KIAA0232: variants seen among roughly 807,000 people sequenced by gnomAD.
The protein encoded by KIAA0232 is uncharacterized protein KIAA0232.
KIAA0232 carries 27 observed loss-of-function variants against 122.0 expected under a neutral mutation model. That is an observed-to-expected ratio of 0.22 (90% CI 0.16 to 0.31). The LOEUF is 0.31. Among genes scored for constraint, KIAA0232 ranks in the 10% least tolerant of loss-of-function variants. The pLI is 1.00. For missense variants in KIAA0232, 1,551 were observed against 1,634.2 expected (o/e 0.95, Z 0.88); for synonymous variants, 613 against 587.6 (o/e 1.04, Z -0.63).
rs1231174432 is a variant in KIAA0232, at chr4:6,876,772, C to G, written c.4008+15C>G. 4.6e-6 allele frequency: 7 copies of G among 1,535,862 alleles called. No homozygotes were observed. Among genetic ancestry groups the G allele is most frequent in the African/African-American group, 2.7e-5 (2 of 73,204 alleles). ...ATTTTAATAGGGTAAGTGGACTGTC[C>G]TCCTCCTCGTCATTAACTTACAAAC... On this transcript the variant is annotated intron_variant, in intron 9 of 9. Coordinates refer to ENST00000307659, the MANE Select transcript of KIAA0232 (RefSeq NM_014743.3).
At chr4:6,853,690 C>A (rs1367430810) in intron 4 of KIAA0232, among the ~76,000 whole-genome samples, 1 of 152,146 alleles carries the variant, frequency 6.6e-6, no homozygotes, top group East Asian at 1.9e-4. Context: ...GCACAGAAAC[C>A]TTTGAGTATG....
intron 1 of KIAA0232, among the ~76,000 whole-genome samples, chr4:6,786,086 T>C (rs1319671270): frequency 1.3e-5 from 2 of 152,204 alleles, no homozygotes; most frequent in Non-Finnish European, 2.9e-5. Flanking sequence ...TGTTGTATTA[T>C]AAATTGGTCA....
At chr4:6,864,334 G>C in intron 7 of KIAA0232, 151 bp downstream of exon 7, 1 of 851,216 alleles carries the variant, frequency 1.2e-6, no homozygotes, top group Admixed American at 3.1e-5. Context: ...TACATGTAAG[G>C]ACTTAAAATG....
At chr4:6,866,146 A>G (rs2108812846) in intron 7 of KIAA0232, 1 of 783,210 alleles carries the variant, frequency 1.3e-6, no homozygotes, top group East Asian at 1.3e-4. Context: ...CCCATTTTTC[A>G]TCCTTAAATA....
chr4:6,868,537 A>T (rs973954015), intron 7 of KIAA0232, among the ~76,000 whole-genome samples: 1 of 152,144 alleles, frequency 6.6e-6, no homozygotes, highest in Non-Finnish European at 1.5e-5. Context: ...CCAAGGTGCA[A>T]TTTAAGGAAA....
intron 9 of KIAA0232, among the ~76,000 whole-genome samples, chr4:6,877,114 T>G (rs1446102646): frequency 1.3e-5 from 2 of 151,962 alleles, no homozygotes; most frequent in Non-Finnish European, 2.9e-5. Flanking sequence ...ACCTAATAAG[T>G]GGGAGACCTA....
At chr4:6,792,402 CAA>C (rs1350738590) in intron 1 of KIAA0232, among the ~76,000 whole-genome samples, 1 of 152,034 alleles carries the variant, frequency 6.6e-6, no homozygotes, top group African/African-American at 2.4e-5. Context: ...AATTGACCAA[CAA>C]GTTTCTAACT....
At chr4:6,866,573 C>T (rs930625513) in intron 7 of KIAA0232, among the ~76,000 whole-genome samples, 6 of 152,110 alleles carry the variant, frequency 3.9e-5, no homozygotes, top group African/African-American at 7.2e-5. Flanking sequence ...GATGTGCTTC[C>T]GGCCCTTTTC....
chr4:6,814,908 A>G (rs767397232), intron 2 of KIAA0232, among the ~76,000 whole-genome samples: 3 of 152,208 alleles, frequency 2.0e-5, no homozygotes, highest in Non-Finnish European at 2.9e-5. Flanking sequence ...TAAAAAAGAC[A>G]AATTTTAAAA....
At chr4:6,850,904 G>A (rs947192376) in intron 4 of KIAA0232, among the ~76,000 whole-genome samples, 20 of 152,118 alleles carry the variant, frequency 1.3e-4, no homozygotes, top group Admixed American at 1.1e-3. Flanking sequence ...TCTTGACCTC[G>A]TGATCCGCCC....
intron 3 of KIAA0232, among the ~76,000 whole-genome samples, chr4:6,837,937 G>A (rs1719420147): frequency 6.6e-6 from 1 of 152,028 alleles, no homozygotes; most frequent in Non-Finnish European, 1.5e-5. Flanking sequence ...GGGAGAGGGA[G>A]AGGGAGAGGC....
At chr4:6,787,505 T>C (rs1560157095) in intron 1 of KIAA0232, among the ~76,000 whole-genome samples, 1 of 152,202 alleles carries the variant, frequency 6.6e-6, no homozygotes, top group Non-Finnish European at 1.5e-5. Context: ...AGATACAAGG[T>C]AATCAGATGT....
rs1722151297 is a variant in KIAA0232 at position 6,882,844 on chromosome 4, T to C, written c.*1878T>C. 6.6e-6 allele frequency: 1 copy of C among 152,668 alleles called. No homozygotes were observed. Among genetic ancestry groups the C allele is most frequent in the African/African-American group, 2.4e-5 (1 of 41,464 alleles). The allele number at this position is 152,668 out of a possible 1,614,324, so 9.5% of individuals were successfully genotyped here. A position where few individuals can be genotyped will look rare whatever the true frequency, so the allele number is the denominator to read the frequency against. ...TTCCTCATATCACTACAGTGACGAT[T>C]ATTCTAGAAATCGTTGCTTGTGTAG... is the stretch of plus-strand genomic sequence containing the variant. On this transcript the variant is annotated 3_prime_UTR_variant, in exon 10 of 10. Transcript: ENST00000307659.
chr4:6,842,488 C>A (rs1023646218), intron 4 of KIAA0232, among the ~76,000 whole-genome samples: 3 of 151,592 alleles, frequency 2.0e-5, no homozygotes, highest in South Asian at 2.1e-4. Context: ...TGTCTTTATT[C>A]TTTTTAGTGG....
chr4:6,783,284 G>A (rs1275946846), intron 1 of KIAA0232, among the ~76,000 whole-genome samples: 1 of 152,352 alleles, frequency 6.6e-6, no homozygotes, highest in East Asian at 1.9e-4. Flanking sequence ...ACCCCAGGAC[G>A]CCGGGACACC....
chr4:6,846,314 G>A (rs1022319421), intron 4 of KIAA0232, among the ~76,000 whole-genome samples: 2 of 152,080 alleles, frequency 1.3e-5, no homozygotes, highest in Non-Finnish European at 2.9e-5. Flanking sequence ...AGGTGTCCCC[G>A]ACCCCCGGGC....
At chr4:6,792,228 C>G (rs576756715) in intron 1 of KIAA0232, among the ~76,000 whole-genome samples, 2 of 152,116 alleles carry the variant, frequency 1.3e-5, no homozygotes, top group East Asian at 3.9e-4. Context: ...TTTTAATATG[C>G]CTAGTATTAC....
At chr4:6,792,560 G>A (rs1184334686) in intron 1 of KIAA0232, among the ~76,000 whole-genome samples, 1 of 151,934 alleles carries the variant, frequency 6.6e-6, no homozygotes, top group Non-Finnish European at 1.5e-5. Context: ...TATATTGCAT[G>A]TAGAATATTA....
At chr4:6,810,409 C>T (rs1717824294) in intron 2 of KIAA0232, among the ~76,000 whole-genome samples, 1 of 152,112 alleles carries the variant, frequency 6.6e-6, no homozygotes, top group South Asian at 2.1e-4. Flanking sequence ...AGTCTCTCAC[C>T]ATATACAAAA....
Sources: gnomAD v4.1 joint callset for allele counts (sites outside exome capture counted in the v4.1 genomes callset) on GRCh38, gnomAD v4.1.1 for gene constraint, MANE v1.5 for transcripts, NCBI Gene and HGNC (gene_info 2026-07-23, HGNC 2026-07-21) for gene names.